MACROD2: variants seen among roughly 807,000 people sequenced by gnomAD.
MACROD2 encodes the protein ADP-ribose glycohydrolase MACROD2.
Under a neutral mutation model 70.4 loss-of-function variants are expected in MACROD2, and 36 were observed. That is an observed-to-expected ratio of 0.51 (90% CI 0.39 to 0.68). MACROD2 has a LOEUF of 0.68. Ranked by LOEUF, MACROD2 falls within the 30% of genes least tolerant of loss-of-function variation. The pLI is 0.00. For synonymous variants in MACROD2, 172 were observed against 178.8 expected, an observed-to-expected ratio of 0.96 and a Z score of 0.30; for missense variants, 496 against 538.4, an observed-to-expected ratio of 0.92 and a Z score of 0.78.
chr20:14,232,417 G>C (rs1224116290), intron 3 of MACROD2, among the ~76,000 whole-genome samples: 1 of 152,188 alleles, frequency 6.6e-6, no homozygotes, highest in Admixed American at 6.5e-5. Context: ...TGCCTACACA[G>C]GAAATCTCTT....
At chr20:15,876,381 G>A (rs1360200694) in intron 9 of MACROD2, among the ~76,000 whole-genome samples, 1 of 151,714 alleles carries the variant, frequency 6.6e-6, no homozygotes, top group Non-Finnish European at 1.5e-5. Context: ...TTTTGTCCTT[G>A]CGATAGTTTG....
chr20:14,914,938 T>G (rs934714530), intron 5 of MACROD2, among the ~76,000 whole-genome samples: 8 of 152,206 alleles, frequency 5.3e-5, no homozygotes, highest in Non-Finnish European at 8.8e-5. Context: ...GTAAGGATGT[T>G]GCACTCCCAG....
rs895470750 is a variant in MACROD2, at chr20:15,315,614, A to G, written c.540+85553A>G. Among the ~76,000 whole-genome samples the G allele has an allele frequency of 2.6e-5, 4 of 152,210 alleles. No individual in the cohort carries two copies. In the East Asian group the frequency reaches 7.7e-4, roughly 29 times the overall value. ...TATATCTGACAAAATTATCCCTCAA[A>G]AATGGAGAAATTAAGACATTTACAG... On this transcript the variant is annotated intron_variant, in intron 6 of 17. Transcript: ENST00000684519.
intron 3 of MACROD2, among the ~76,000 whole-genome samples, chr20:14,308,420 T>C (rs2082538397): frequency 6.6e-6 from 1 of 152,156 alleles, no homozygotes; most frequent in South Asian, 2.1e-4. Flanking sequence ...ATCATTTTAT[T>C]GAACTCAGTT....
At chr20:14,360,649 T>G (rs1238139998) in intron 3 of MACROD2, among the ~76,000 whole-genome samples, 5 of 152,204 alleles carry the variant, frequency 3.3e-5, no homozygotes, top group African/African-American at 4.8e-5. Flanking sequence ...GCAAATGAAT[T>G]ATCATGGTTA....
At chr20:14,811,192 A>G (rs1194789605) in intron 5 of MACROD2, among the ~76,000 whole-genome samples, 1 of 152,128 alleles carries the variant, frequency 6.6e-6, no homozygotes, top group African/African-American at 2.4e-5. Flanking sequence ...AAAGTATACT[A>G]CAAGGCTACC....
intron 3 of MACROD2, among the ~76,000 whole-genome samples, chr20:14,487,105 C>T (rs888825664): frequency 1.3e-5 from 2 of 152,164 alleles, no homozygotes; most frequent in Non-Finnish European, 2.9e-5. Context: ...GCCCCAGACC[C>T]ACAAAACGCC....
chr20:14,222,831 A>G lies in MACROD2; in HGVS notation c.271+137103A>G, dbSNP rs1232400239. On this transcript the variant is annotated intron_variant, in intron 3 of 17. Coordinates refer to ENST00000684519, the MANE Select transcript of MACROD2 (RefSeq NM_001351661.2). ...GATTTCTGAAAAAAAAAAAAAAAAA[A>G]AAAAAAAAAAAGAATTGAGAAGCAT... is the stretch of plus-strand genomic sequence containing the variant. Among the ~76,000 whole-genome samples, 188 of 102,498 alleles carry G rather than the reference A, an allele frequency of 1.8e-3. 2 individuals carry two copies. Among genetic ancestry groups the G allele is most frequent in the African/African-American group, 4.5e-3 (150 of 33,350 alleles). 67.2% of individuals were successfully genotyped at this position (102,498 alleles called of 152,430 possible).
chr20:14,909,404 T>C (rs2073998956), intron 5 of MACROD2, among the ~76,000 whole-genome samples: 2 of 152,100 alleles, frequency 1.3e-5, no homozygotes, highest in Admixed American at 1.3e-4. Flanking sequence ...CTAATAGGCC[T>C]ATCGTTTATT....
chr20:14,023,461 T>C (rs986667488), intron 2 of MACROD2, among the ~76,000 whole-genome samples: 8 of 152,262 alleles, frequency 5.3e-5, no homozygotes, highest in African/African-American at 1.4e-4. Context: ...GTTTTAGTTA[T>C]GAAGCCTTTG....
In MACROD2 at chr20:15,736,377, T is replaced by A. The variant is rs139256417; in HGVS notation, c.646-126368T>A. On this transcript the variant is annotated intron_variant, in intron 8 of 17. Transcript: ENST00000684519. Reference sequence around the variant, plus strand: ...AGTTGCTGTTTCTTGGAGTTGAGGTTGCCAGGCAAGGCTTCATGAAGTTGG... The same window carrying A: ...AGTTGCTGTTTCTTGGAGTTGAGGTAGCCAGGCAAGGCTTCATGAAGTTGG... Among the ~76,000 whole-genome samples, 198 of 152,324 alleles carry A rather than the reference T, an allele frequency of 1.3e-3. 1 individual carries two copies. The highest frequency in any genetic ancestry group is 4.6e-3 in the African/African-American group (191 of 41,572).
chr20:14,733,939 G>A (rs1198026500), intron 5 of MACROD2, among the ~76,000 whole-genome samples: 12 of 152,154 alleles, frequency 7.9e-5, no homozygotes, highest in Admixed American at 5.9e-4. Context: ...TTCCCCATTT[G>A]TATATTGAGG....
At chr20:15,799,710 A>T (rs1028130107) in intron 8 of MACROD2, among the ~76,000 whole-genome samples, 1 of 152,214 alleles carries the variant, frequency 6.6e-6, no homozygotes, top group African/African-American at 2.4e-5. Flanking sequence ...AGTAAGGTTG[A>T]TTCCCCACCT....
intron 5 of MACROD2, among the ~76,000 whole-genome samples, chr20:14,701,123 A>C (rs939425193): frequency 3.9e-5 from 6 of 152,154 alleles, no homozygotes; most frequent in Non-Finnish European, 8.8e-5. Context: ...CAGTGTCTTT[A>C]GCTTTATCTT....
At chr20:15,940,031 A>G (rs548190266) in intron 12 of MACROD2, among the ~76,000 whole-genome samples, 60 of 152,296 alleles carry the variant, frequency 3.9e-4, no homozygotes, top group African/African-American at 1.4e-3. Flanking sequence ...AAGAAAAAAA[A>G]GTGGTTTCTT....
chr20:14,448,421 A>G (rs1423190059), intron 3 of MACROD2, among the ~76,000 whole-genome samples: 1 of 152,000 alleles, frequency 6.6e-6, no homozygotes, highest in Non-Finnish European at 1.5e-5. Flanking sequence ...TCATGCCTGT[A>G]ATCCCAGCAC....
At position 14,436,423 on chromosome 20, in the gene MACROD2, C is replaced by A. The variant is rs1216115608; in HGVS notation, c.272-57056C>A. Among the ~76,000 whole-genome samples, 4 of 152,210 alleles carry A rather than the reference C, an allele frequency of 2.6e-5. No homozygotes were observed. The East Asian group carries it at 7.7e-4, about 29-fold the overall frequency. ...CCTGCTTCCCACCTTTTCCGAAATA[C>A]TTAATTATGCTGTTTTCTTTGCTGG... On this transcript the variant is annotated intron_variant, in intron 3 of 17. Transcript: ENST00000684519.
chr20:15,549,519 T>C (rs984248776), intron 8 of MACROD2, among the ~76,000 whole-genome samples: 4 of 152,256 alleles, frequency 2.6e-5, no homozygotes, highest in Non-Finnish European at 2.9e-5. Context: ...TATACATCTC[T>C]TGATGACTGG....
At chr20:14,585,754 T>C (rs1314857873) in intron 4 of MACROD2, among the ~76,000 whole-genome samples, 4 of 152,148 alleles carry the variant, frequency 2.6e-5, no homozygotes, top group African/African-American at 7.2e-5. Flanking sequence ...AAAAATAGTT[T>C]TTAAACAAAG....
Sources: allele counts gnomAD v4.1 joint callset (sites outside exome capture counted in the v4.1 genomes callset), GRCh38; gene constraint gnomAD v4.1.1; transcripts MANE v1.5; gene names NCBI Gene and HGNC (gene_info 2026-07-23, HGNC 2026-07-21).